GNAT1: variants seen among roughly 807,000 people sequenced by gnomAD.
The protein encoded by GNAT1 is G protein subunit alpha transducin 1.
Under a neutral mutation model 40.0 loss-of-function variants are expected in GNAT1, and 36 were observed. The ratio of observed to expected loss-of-function variants is 0.90; its 90% CI spans 0.69 to 1.19. The LOEUF (loss-of-function observed/expected upper bound fraction) is 1.19, where lower values mean the gene tolerates loss of function less well. GNAT1 is among the 50% of genes most tolerant of loss of function. The pLI is 0.00. For synonymous variants in GNAT1, 195 were observed against 192.9 expected (o/e 1.01, Z -0.09); for missense variants, 413 against 480.6 (o/e 0.86, Z 1.32).
At position 50,196,690 on chromosome 3, in the gene GNAT1, G is replaced by A. The variant is rs548345252; in HGVS notation, c.*1424G>A. 2.0e-5 allele frequency among the ~76,000 whole-genome samples: 3 copies of A among 152,300 alleles called. No individual in the cohort carries two copies. The highest frequency in any genetic ancestry group is 1.3e-4 in the Admixed American group (2 of 15,298). Reference sequence around the variant, plus strand: ...ATGGGACCAACTCATGGCTTTTCACGGGAGTTGAGGAGAGAGGAGCTGTGG... The same window carrying A: ...ATGGGACCAACTCATGGCTTTTCACAGGAGTTGAGGAGAGAGGAGCTGTGG... On this transcript the variant is annotated 3_prime_UTR_variant, in exon 9 of 9. Transcript: ENST00000232461.
Position 50,193,842 on chromosome 3 carries a change from T to A in GNAT1, c.539T>A (p.Ile180Asn), listed in dbSNP as rs1468622659. 4.3e-6 allele frequency: 7 copies of A among 1,613,220 alleles called. No individual in the cohort carries two copies. The highest frequency in any genetic ancestry group is 5.9e-6 in the Non-Finnish European group (7 of 1,179,934). Residue 180 changes from isoleucine to asparagine, a missense_variant, in exon 5 of 9, where the codon ATC becomes AAC. Transcript: ENST00000232461. The surrounding 1 kb of genome is among the most constrained non-coding windows in gnomAD (Gnocchi z 8.1). ...VLRSRVKTTG[I>N]IETQFSFKDL... Reference sequence around the variant, plus strand: ...CGCTCGCGAGTCAAGACCACTGGCATCATCGAGACGCAGTTCTCCTTCAAG... The same window carrying A: ...CGCTCGCGAGTCAAGACCACTGGCAACATCGAGACGCAGTTCTCCTTCAAG...
At position 50,191,804 on chromosome 3, in the gene GNAT1, G is replaced by A. The variant is rs1161256318; in HGVS notation, c.79G>A (p.Ala27Thr). The A allele has an allele frequency of 6.2e-7, 1 of 1,613,508 alleles. No individual in the cohort carries two copies. Among genetic ancestry groups the A allele is most frequent in the East Asian group, 2.2e-5 (1 of 44,894 alleles). The change falls in exon 1 of 9, where the codon GCT (alanine) becomes ACT (threonine). Residue 27 changes from alanine to threonine, a missense_variant. Ala to Thr is a moderately conservative substitution (Grantham distance 58). Coordinates refer to ENST00000232461, the MANE Select transcript of GNAT1 (RefSeq NM_144499.3). ...GCTGAAAGAGGACGCTGAGAAGGATGCTCGAACCGTGAAGCTGCTGCTTCT... is the reference window on the plus strand; with the variant it reads ...GCTGAAAGAGGACGCTGAGAAGGATACTCGAACCGTGAAGCTGCTGCTTCT... The part of the protein sequence containing the change: ...KKLKEDAEKD[A>T]RTVKLLLLGA...
At position 50,195,510 on chromosome 3, in the gene GNAT1, A is replaced by C. The variant is rs1177391744; in HGVS notation, c.*244A>C. ...TCACCGCCCGGCTGCACTGGCCTCTAGGACTCACAGCAGCCAGCCCCAGCT... is the reference window on the plus strand; with the variant it reads ...TCACCGCCCGGCTGCACTGGCCTCTCGGACTCACAGCAGCCAGCCCCAGCT... On this transcript the variant is annotated 3_prime_UTR_variant, in exon 9 of 9. Coordinates refer to ENST00000232461, the MANE Select transcript of GNAT1 (RefSeq NM_144499.3). The C allele has an allele frequency of 5.9e-6, 1 of 169,946 alleles. No individual in the cohort carries two copies. Among genetic ancestry groups the C allele is most frequent in the African/African-American group, 2.4e-5 (1 of 41,744 alleles). 10.5% of individuals were successfully genotyped at this position (169,946 alleles called of 1,614,324 possible).
intron 1 of GNAT1, chr3:50,192,734 G>A (rs1699429575): frequency 2.7e-6 from 1 of 371,872 alleles, no homozygotes; most frequent in African/African-American, 2.1e-5. Context: ...TGAAATGCAA[G>A]GGGTTTACCC....
In GNAT1 at chr3:50,196,457, C is replaced by T. The variant is rs1165738961; in HGVS notation, c.*1191C>T. 1.3e-5 allele frequency: 2 copies of T among 152,626 alleles called. No homozygotes were observed. Among genetic ancestry groups the T allele is most frequent in the Non-Finnish European group, 2.9e-5 (2 of 68,068 alleles). The allele number at this position is 152,626 out of a possible 1,614,324, so 9.5% of individuals were successfully genotyped here. ...GAGCTTCCGTCTGGCAAGGCCGGGG[C>T]ACAATTTGCACTCCCCTCAGCTAGA... On this transcript the variant is annotated 3_prime_UTR_variant, in exon 9 of 9. Coordinates refer to ENST00000232461, the MANE Select transcript of GNAT1 (RefSeq NM_144499.3).
chr3:50,194,522 C>A lies in GNAT1; in HGVS notation c.730C>A (p.His244Asn). The A allele has an allele frequency of 6.2e-7, 1 of 1,613,614 alleles. No individual in the cohort carries two copies. The highest frequency in any genetic ancestry group is 8.5e-7 in the Non-Finnish European group (1 of 1,179,854). ...TCAGAACCGCATGCACGAGAGCCTGCACCTGTTCAACAGCATCTGCAACCA... is the reference window on the plus strand; with the variant it reads ...TCAGAACCGCATGCACGAGAGCCTGAACCTGTTCAACAGCATCTGCAACCA... ...DEVNRMHESL[H>N]LFNSICNHRY... The change falls in exon 7 of 9, where the codon CAC (histidine) becomes AAC (asparagine). Residue 244 changes from histidine (H) to asparagine (N), a missense_variant. His to Asn is a moderately conservative substitution (Grantham distance 68, BLOSUM62 1). Coordinates refer to ENST00000232461, the MANE Select transcript of GNAT1 (RefSeq NM_144499.3). This position sits in a 1 kb window ranked among gnomAD's most constrained non-coding sequence, Gnocchi z 6.1.
Position 50,194,963 on chromosome 3 carries a change from C to CG in GNAT1, c.*1+8dup, listed in dbSNP as rs1559747509. On this transcript the variant is annotated splice_region_variant and intron_variant, in intron 8 of 8. Transcript: ENST00000232461. This position sits in a 1 kb window ranked among gnomAD's most constrained non-coding sequence, Gnocchi z 6.1. Reference sequence around the variant, plus strand: ...GACTGTGGCCTCTTCTGAGGTAGGTCGCTGCCCTCTCCAGGCTCTTGCCTC... The same window carrying CG: ...GACTGTGGCCTCTTCTGAGGTAGGTCGGCTGCCCTCTCCAGGCTCTTGCCTC... 2 of 1,603,912 alleles carry CG rather than the reference C, an allele frequency of 1.2e-6. No individual in the cohort carries two copies. Among genetic ancestry groups the CG allele is most frequent in the Non-Finnish European group, 1.7e-6 (2 of 1,172,976 alleles).
In GNAT1 at chr3:50,194,554, C is replaced by T. The variant is rs1344840069; in HGVS notation, c.762C>T (p.Tyr254=). The T allele has an allele frequency of 1.9e-6, 3 of 1,613,694 alleles. No individual in the cohort carries two copies. The East Asian group carries it at 6.7e-5, about 36-fold the overall frequency. Residue 254 remains tyrosine, a synonymous_variant, in exon 7 of 9, where the codon TAC becomes TAT. Coordinates refer to ENST00000232461, the MANE Select transcript of GNAT1 (RefSeq NM_144499.3). The surrounding 1 kb of genome is among the most constrained non-coding windows in gnomAD (Gnocchi z 6.1). Reference sequence around the variant, plus strand: ...TCAACAGCATCTGCAACCACCGCTACTTCGCCACGACGTCCATCGTGCTCT... The same window carrying T: ...TCAACAGCATCTGCAACCACCGCTATTTCGCCACGACGTCCATCGTGCTCT... The part of the protein sequence containing the change: ...HLFNSICNHR[Y]FATTSIVLFL...
At position 50,194,685 on chromosome 3, in the gene GNAT1, C is replaced by A; in HGVS notation, c.862+31C>A. The A allele has an allele frequency of 6.2e-7, 1 of 1,610,254 alleles. No homozygotes were observed. The highest frequency in any genetic ancestry group is 1.1e-5 in the South Asian group (1 of 91,042). On this transcript the variant is annotated intron_variant, in intron 7 of 8. Coordinates refer to ENST00000232461, the MANE Select transcript of GNAT1 (RefSeq NM_144499.3). This position sits in a 1 kb window ranked among gnomAD's most constrained non-coding sequence, Gnocchi z 6.1. ...AAGTCCGCAAGGCCGCCAGGCGGCGCCCCCGCCCCACGATCGCGGCGCGCA... is the reference window on the plus strand; with the variant it reads ...AAGTCCGCAAGGCCGCCAGGCGGCGACCCCGCCCCACGATCGCGGCGCGCA...
chr3:50,196,230 C>A lies in GNAT1; in HGVS notation c.*964C>A, dbSNP rs1261818320. 3.9e-5 allele frequency: 6 copies of A among 152,284 alleles called. No homozygotes were observed. The highest frequency in any genetic ancestry group is 2.1e-4 in the South Asian group (1 of 4,836). The allele number at this position is 152,284 out of a possible 1,614,324, so 9.4% of individuals were successfully genotyped here. A position where few individuals can be genotyped will look rare whatever the true frequency, so the allele number is the denominator to read the frequency against. ...TACCTCAGGTGGGGTTACAAGCAAA[C>A]CTGGGTGACCCTCTTGTCCCTACCA... On this transcript the variant is annotated 3_prime_UTR_variant, in exon 9 of 9. Transcript: ENST00000232461.
Position 50,196,692 on chromosome 3 carries a change from G to A in GNAT1, c.*1426G>A, listed in dbSNP as rs1699508909. On this transcript the variant is annotated 3_prime_UTR_variant, in exon 9 of 9. Coordinates refer to ENST00000232461, the MANE Select transcript of GNAT1 (RefSeq NM_144499.3). ...GGGACCAACTCATGGCTTTTCACGG[G>A]AGTTGAGGAGAGAGGAGCTGTGGAA... 6.6e-6 allele frequency among the ~76,000 whole-genome samples: 1 copy of A among 152,196 alleles called. No individual in the cohort carries two copies. Among genetic ancestry groups the A allele is most frequent in the African/African-American group, 2.4e-5 (1 of 41,434 alleles).
At position 50,194,572 on chromosome 3, in the gene GNAT1, C is replaced by A; in HGVS notation, c.780C>A (p.Ile260=). 6.2e-7 allele frequency: 1 copy of A among 1,613,596 alleles called. No homozygotes were observed. Among genetic ancestry groups the A allele is most frequent in the Non-Finnish European group, 8.5e-7 (1 of 1,179,600 alleles). The change falls in exon 7 of 9, where the codon ATC becomes ATA. Residue 260 remains isoleucine (I), a synonymous_variant. Coordinates refer to ENST00000232461, the MANE Select transcript of GNAT1 (RefSeq NM_144499.3). The surrounding 1 kb of genome is among the most constrained non-coding windows in gnomAD (Gnocchi z 6.1). ...ACCGCTACTTCGCCACGACGTCCAT[C>A]GTGCTCTTCCTTAACAAGAAGGACG... ...CNHRYFATTS[I]VLFLNKKDVF...
Position 50,194,300 on chromosome 3 carries a change from G to C in GNAT1, c.708+79G>C. On this transcript the variant is annotated intron_variant, in intron 6 of 8. Coordinates refer to ENST00000232461, the MANE Select transcript of GNAT1 (RefSeq NM_144499.3). This position sits in a 1 kb window ranked among gnomAD's most constrained non-coding sequence, Gnocchi z 6.1. ...CCTGGAGGCGGAGACCGCGCGCTGG[G>C]CTGGGGGAGGGCACGGGAGGGGATG... is the stretch of plus-strand genomic sequence containing the variant. 1.3e-6 allele frequency: 2 copies of C among 1,514,524 alleles called. No individual in the cohort carries two copies. Among genetic ancestry groups the C allele is most frequent in the Admixed American group, 4.0e-5 (2 of 50,594 alleles). 93.8% of individuals were successfully genotyped at this position (1,514,524 alleles called of 1,614,324 possible). A position where few individuals can be genotyped will look rare whatever the true frequency, so the allele number is the denominator to read the frequency against.
Position 50,194,370 on chromosome 3 carries a change from C to A in GNAT1, c.709-131C>A. 7.2e-7 allele frequency: 1 copy of A among 1,381,354 alleles called. No homozygotes were observed. Among genetic ancestry groups the A allele is most frequent in the Non-Finnish European group, 1.0e-6 (1 of 997,404 alleles). 85.6% of individuals were successfully genotyped at this position (1,381,354 alleles called of 1,614,324 possible). On this transcript the variant is annotated intron_variant, in intron 6 of 8. Transcript: ENST00000232461. This position sits in a 1 kb window ranked among gnomAD's most constrained non-coding sequence, Gnocchi z 6.1. Reference sequence around the variant, plus strand: ...GGAGGCCCGGAGGCGTTCAGCAGGCCCATCTGGGGCAGTGCGGGGAGCCCT... The same window carrying A: ...GGAGGCCCGGAGGCGTTCAGCAGGCACATCTGGGGCAGTGCGGGGAGCCCT...
chr3:50,194,877 G>A lies in GNAT1; in HGVS notation c.975G>A (p.Thr325=), dbSNP rs369933509. ...CCCACATGACGTGCGCCACCGACACGCAGAACGTCAAATTTGTCTTCGACG... is the reference window on the plus strand; with the variant it reads ...CCCACATGACGTGCGCCACCGACACACAGAACGTCAAATTTGTCTTCGACG... ...IYSHMTCATD[T]QNVKFVFDAV... Residue 325 remains threonine, a synonymous_variant, in exon 8 of 9, where the codon ACG becomes ACA. Transcript: ENST00000232461. This position sits in a 1 kb window ranked among gnomAD's most constrained non-coding sequence, Gnocchi z 6.1. 4.3e-6 allele frequency: 7 copies of A among 1,613,770 alleles called. No individual in the cohort carries two copies. The African/African-American group carries it at 8.0e-5, about 18-fold the overall frequency.
Position 50,193,467 on chromosome 3 carries a change from G to A in GNAT1, c.292-39G>A. 6.2e-7 allele frequency: 1 copy of A among 1,605,594 alleles called. No homozygotes were observed. Among genetic ancestry groups the A allele is most frequent in the Non-Finnish European group, 8.5e-7 (1 of 1,177,478 alleles). On this transcript the variant is annotated intron_variant, in intron 3 of 8. Coordinates refer to ENST00000232461, the MANE Select transcript of GNAT1 (RefSeq NM_144499.3). This position sits in a 1 kb window ranked among gnomAD's most constrained non-coding sequence, Gnocchi z 8.1. Reference sequence around the variant, plus strand: ...ACTCGAGGCTCGCGGCTGGGCCCGAGTCCCTGGCCGCCACCAGCCACTCTC... The same window carrying A: ...ACTCGAGGCTCGCGGCTGGGCCCGAATCCCTGGCCGCCACCAGCCACTCTC...
Position 50,194,253 on chromosome 3 carries a change from G to C in GNAT1, c.708+32G>C. On this transcript the variant is annotated intron_variant, in intron 6 of 8. Coordinates refer to ENST00000232461, the MANE Select transcript of GNAT1 (RefSeq NM_144499.3). This position sits in a 1 kb window ranked among gnomAD's most constrained non-coding sequence, Gnocchi z 6.1. ...GCCAGGCAGGGCCTGTGTTCCAGGG[G>C]GGCGAGGAGGAGCTGCTGGTCCCTG... The C allele has an allele frequency of 1.3e-6, 2 of 1,581,812 alleles. No homozygotes were observed. The highest frequency in any genetic ancestry group is 1.7e-6 in the Non-Finnish European group (2 of 1,163,468).
At chr3:50,195,093 C>A in intron 8 of GNAT1, 137 bp downstream of exon 8, 1 of 692,114 alleles carries the variant, frequency 1.4e-6, no homozygotes, top group Non-Finnish European at 2.6e-6. Context: ...GCTCCTCAGG[C>A]TCCACCCCAC....
At position 50,193,005 on chromosome 3, in the gene GNAT1, G is replaced by A; in HGVS notation, c.107-128G>A. ...GGGGGGTAGGTGTGGCTACGGGGTC[G>A]GGGCTGGCGCTCAGGCCTCTTCGCT... On this transcript the variant is annotated intron_variant, in intron 1 of 8. Coordinates refer to ENST00000232461, the MANE Select transcript of GNAT1 (RefSeq NM_144499.3). The surrounding 1 kb of genome is among the most constrained non-coding windows in gnomAD (Gnocchi z 8.1). 1.1e-6 allele frequency: 1 copy of A among 870,754 alleles called. No individual in the cohort carries two copies. The highest frequency in any genetic ancestry group is 1.8e-6 in the Non-Finnish European group (1 of 546,538). The allele number at this position is 870,754 out of a possible 1,614,324, so 53.9% of individuals were successfully genotyped here.
Sources: allele counts gnomAD v4.1 joint callset (sites outside exome capture counted in the v4.1 genomes callset), GRCh38; gene constraint gnomAD v4.1.1; non-coding constraint Gnocchi (gnomAD v3.1); transcripts MANE v1.5; gene names NCBI Gene and HGNC (gene_info 2026-07-23, HGNC 2026-07-21).